DAP: variants seen among roughly 807,000 people sequenced by gnomAD.
DAP encodes the protein death associated protein.
A neutral mutation model predicts 13.8 loss-of-function variants in DAP; 8 were observed. The observed-to-expected ratio is 0.58, with a 90% CI of 0.34 to 1.05. The LOEUF is 1.05. DAP is among the 50% of genes least tolerant of loss of function. The probability of loss-of-function intolerance (pLI) is 0.03; values close to 1 mark genes in which losing one functional copy is unlikely to be tolerated. For synonymous variants in DAP, 47 were observed against 47.5 expected (o/e 0.99, Z 0.04); for missense variants, 106 against 133.2 (o/e 0.80, Z 1.01).
chr5:10,742,944 T>C (rs1314191094), intron 2 of DAP, among the ~76,000 whole-genome samples: 1 of 152,194 alleles, frequency 6.6e-6, no homozygotes, highest in East Asian at 1.9e-4. Context: ...CATCCATCCA[T>C]CCATCCATCT....
At chr5:10,748,075 C>A in intron 2 of DAP, 100 bp downstream of exon 2, 1 of 864,242 alleles carries the variant, frequency 1.2e-6, no homozygotes, top group Non-Finnish European at 1.9e-6. Context: ...CCCCACATAG[C>A]CCAGGAGTTA....
intron 3 of DAP, 26 bp downstream of exon 3, chr5:10,683,503 C>T (rs1415807290): frequency 1.3e-5 from 21 of 1,613,016 alleles, no homozygotes; most frequent in Non-Finnish European, 1.8e-5. Context: ...AAGCCTCAAA[C>T]CCACCGCAGA....
At chr5:10,757,247 T>A (rs953728640) in intron 1 of DAP, among the ~76,000 whole-genome samples, 5 of 151,542 alleles carry the variant, frequency 3.3e-5, no homozygotes, top group Non-Finnish European at 5.9e-5. Flanking sequence ...CTCAGGGGAG[T>A]TGGCAACAGA....
chr5:10,738,600 T>C (rs757248521), intron 2 of DAP, among the ~76,000 whole-genome samples: 26 of 152,188 alleles, frequency 1.7e-4, no homozygotes, highest in African/African-American at 3.9e-4. Context: ...TTCAAACATG[T>C]CAAGGTCATG....
At chr5:10,746,773 G>A (rs1054960654) in intron 2 of DAP, among the ~76,000 whole-genome samples, 12 of 152,204 alleles carry the variant, frequency 7.9e-5, no homozygotes, top group African/African-American at 2.7e-4. Context: ...CTTCCCTCAC[G>A]TGGCCGCTCC....
chr5:10,733,098 C>T (rs1423677876), intron 2 of DAP, among the ~76,000 whole-genome samples: 1 of 151,824 alleles, frequency 6.6e-6, no homozygotes, highest in Non-Finnish European at 1.5e-5. Context: ...CTCCAGGTTC[C>T]CCCATGACGT....
intron 2 of DAP, among the ~76,000 whole-genome samples, chr5:10,687,695 TAAACACTGA>T (rs1044052238): frequency 7.9e-5 from 12 of 152,180 alleles, no homozygotes; most frequent in African/African-American, 2.7e-4. Context: ...GAAGATGCTG[TAAACACTGA>T]AAATAACAAC....
At chr5:10,758,356 G>A (rs1282115412) in intron 1 of DAP, among the ~76,000 whole-genome samples, 2 of 123,334 alleles carry the variant, frequency 1.6e-5, no homozygotes, top group African/African-American at 5.6e-5. Context: ...GAGGGGTGCT[G>A]TTGGCATCTG....
At chr5:10,719,777 C>A (rs1739090603) in intron 2 of DAP, among the ~76,000 whole-genome samples, 1 of 152,188 alleles carries the variant, frequency 6.6e-6, no homozygotes, top group Non-Finnish European at 1.5e-5. Flanking sequence ...TGCCACCCTG[C>A]CTTCTCTCCC....
chr5:10,704,788 C>T (rs912245238), intron 2 of DAP, among the ~76,000 whole-genome samples: 10 of 152,032 alleles, frequency 6.6e-5, no homozygotes, highest in Admixed American at 1.3e-4. Flanking sequence ...GTCTTTCCTG[C>T]GCAGTGTACA....
chr5:10,755,678 A>G (rs1352528940), intron 1 of DAP, among the ~76,000 whole-genome samples: 2 of 152,362 alleles, frequency 1.3e-5, no homozygotes, highest in African/African-American at 2.4e-5. Flanking sequence ...AGGAAGTACC[A>G]TTCTCTATAC....
At chr5:10,756,158 A>C (rs1740176828) in intron 1 of DAP, among the ~76,000 whole-genome samples, 1 of 96,302 alleles carries the variant, frequency 1.0e-5, no homozygotes, top group Admixed American at 9.8e-5. Flanking sequence ...CAACAAAAAA[A>C]GGCTAGGGAA....
At chr5:10,701,801 C>T (rs377118503) in intron 2 of DAP, among the ~76,000 whole-genome samples, 1 of 152,158 alleles carries the variant, frequency 6.6e-6, no homozygotes, top group African/African-American at 2.4e-5. Flanking sequence ...CTTTCTTTCA[C>T]TCTCAAAGCA....
chr5:10,746,872 C>A (rs1381944767), intron 2 of DAP, among the ~76,000 whole-genome samples: 1 of 152,194 alleles, frequency 6.6e-6, no homozygotes, highest in Non-Finnish European at 1.5e-5. Context: ...AGAACATGCA[C>A]CACTTCCTCA....
At chr5:10,751,915 G>A (rs1053508375) in intron 1 of DAP, among the ~76,000 whole-genome samples, 2 of 152,232 alleles carry the variant, frequency 1.3e-5, no homozygotes, top group Non-Finnish European at 2.9e-5. Flanking sequence ...CACCCAGTCT[G>A]TGGTATTTTG....
chr5:10,710,494 G>A (rs890522123), intron 2 of DAP, among the ~76,000 whole-genome samples: 1 of 152,236 alleles, frequency 6.6e-6, no homozygotes, highest in Admixed American at 6.5e-5. Context: ...GCCTTTCATG[G>A]GGCTTAGAGG....
In DAP at chr5:10,761,081, C is replaced by A. The variant is rs1179690669; in HGVS notation, c.-13G>T. 8 of 1,210,416 alleles carry A rather than the reference C, an allele frequency of 6.6e-6. No individual in the cohort carries two copies. Among genetic ancestry groups the A allele is most frequent in the African/African-American group, 6.3e-5 (4 of 63,084 alleles). 75.0% of individuals were successfully genotyped at this position (1,210,416 alleles called of 1,614,324 possible). ...GAGGCGAAGACATGACGCGGCGGGGCTTCCGCGGGGCCGAGGCGGCGGCGC... is the reference window on the plus strand; with the variant it reads ...GAGGCGAAGACATGACGCGGCGGGGATTCCGCGGGGCCGAGGCGGCGGCGC... On this transcript the variant is annotated 5_prime_UTR_variant, in exon 1 of 4. Coordinates refer to ENST00000230895, the MANE Select transcript of DAP (RefSeq NM_004394.3).
At chr5:10,758,411 GTGCTGTTGGCATTTGAGGGA>G (rs796700482) in intron 1 of DAP, among the ~76,000 whole-genome samples, 795 of 22,028 alleles carry the variant, frequency 0.036, 5 homozygotes, top group South Asian at 0.072. Flanking sequence ...CATTTGAGGG[GTGCTGTTGGCATTTGAGGGA>G]TGCTGCTGGC....
chr5:10,722,946 C>T (rs879692806), intron 2 of DAP, among the ~76,000 whole-genome samples: 21 of 152,140 alleles, frequency 1.4e-4, no homozygotes, highest in Non-Finnish European at 2.6e-4. Flanking sequence ...ATTCAGTGTT[C>T]GATGTACCGA....
Sources: allele counts gnomAD v4.1 joint callset (sites outside exome capture counted in the v4.1 genomes callset), GRCh38; gene constraint gnomAD v4.1.1; transcripts MANE v1.5; gene names NCBI Gene and HGNC (gene_info 2026-07-23, HGNC 2026-07-21).